Variants in ZNF317 observed in about 807,000 individuals in gnomAD.
ZNF317 encodes zinc finger protein 317, also known as KRAB-containing zinc finger protein 317.
In ZNF317, 17 loss-of-function variants were observed where a neutral mutation model predicts 23.4. That is an observed-to-expected ratio of 0.73 (90% confidence interval 0.50 to 1.09). The LOEUF (loss-of-function observed/expected upper bound fraction) is 1.09. ZNF317 is among the 50% of genes least tolerant of loss of function. The pLI, the probability that ZNF317 is intolerant of heterozygous loss-of-function variation, is 0.00. For missense variants in ZNF317, 679 were observed against 796.7 expected (o/e 0.85, Z 1.78); for synonymous variants, 317 against 314.9 (o/e 1.01, Z -0.07).
At chr19:9,157,664 G>A in intron 4 of ZNF317, 1 of 561,384 alleles carries the variant, frequency 1.8e-6, no homozygotes, top group East Asian at 4.3e-5. Flanking sequence ...GGGTACTTGT[G>A]ATCTTATTTC....
At chr19:9,144,252 C>T (rs1006513590) in intron 1 of ZNF317, among the ~76,000 whole-genome samples, 4 of 152,178 alleles carry the variant, frequency 2.6e-5, no homozygotes, top group African/African-American at 4.8e-5. Flanking sequence ...ATCCACCTGC[C>T]TTGGCCTCCC....
Position 9,163,063 on chromosome 19 carries a change from G to A in ZNF317, c.*1630G>A, listed in dbSNP as rs1042632021. 2.6e-5 allele frequency: 4 copies of A among 152,184 alleles called. No individual in the cohort carries two copies. Among genetic ancestry groups the A allele is most frequent in the Non-Finnish European group, 5.9e-5 (4 of 68,022 alleles). The allele number at this position is 152,184 out of a possible 1,614,324, so 9.4% of individuals were successfully genotyped here. On this transcript the variant is annotated 3_prime_UTR_variant, in exon 7 of 7. Transcript: ENST00000247956. ...TAAAAAATCTCTTACAGGTTTTCTT[G>A]CAGCTGGTACCATCCATGTCTCACA...
At chr19:9,156,105 G>T (rs970433047) in intron 2 of ZNF317, 64 bp downstream of exon 2, 19 of 1,595,818 alleles carry the variant, frequency 1.2e-5, no homozygotes, top group Non-Finnish European at 1.6e-5. Flanking sequence ...CCACTTGATG[G>T]GGTGAAAGAT....
At chr19:9,145,763 G>A (rs2050677349) in intron 1 of ZNF317, among the ~76,000 whole-genome samples, 1 of 152,142 alleles carries the variant, frequency 6.6e-6, no homozygotes, top group Admixed American at 6.5e-5. Flanking sequence ...GTTCTTAGCT[G>A]TATTTATGTT....
chr19:9,161,088 A>G lies in ZNF317; in HGVS notation c.1443A>G (p.Lys481=), dbSNP rs776650509. The G allele has an allele frequency of 2.5e-6, 4 of 1,614,216 alleles. No individual in the cohort carries two copies. Among genetic ancestry groups the G allele is most frequent in the Admixed American group, 3.3e-5 (2 of 60,024 alleles). ...ERRYECAACG[K]VFGDYLSRRR... ...GCTACGAATGCGCCGCCTGCGGGAA[A>G]GTCTTCGGTGACTATTTATCCCGGC... Residue 481 remains lysine, a synonymous_variant, in exon 7 of 7, where the codon AAA becomes AAG. Coordinates refer to ENST00000247956, the MANE Select transcript of ZNF317 (RefSeq NM_020933.5). The surrounding 1 kb of genome is among the most constrained non-coding windows in gnomAD (Gnocchi z 4.0).
At chr19:9,147,409 A>G (rs1411531872) in intron 1 of ZNF317, among the ~76,000 whole-genome samples, 1 of 138,258 alleles carries the variant, frequency 7.2e-6, no homozygotes, top group Admixed American at 8.5e-5. Context: ...GCACAGTCTC[A>G]GCTCACTGCA....
intron 4 of ZNF317, chr19:9,157,775 C>G (rs2050801694): frequency 7.5e-7 from 1 of 1,331,770 alleles, no homozygotes. Context: ...GCACGAGCCA[C>G]CATGCTTTGC....
Position 9,162,495 on chromosome 19 carries a change from C to T in ZNF317, c.*1062C>T, listed in dbSNP as rs894929424. 6.6e-6 allele frequency: 1 copy of T among 151,844 alleles called. No homozygotes were observed. The highest frequency in any genetic ancestry group is 1.5e-5 in the Non-Finnish European group (1 of 67,970). 9.4% of individuals were successfully genotyped at this position (151,844 alleles called of 1,614,324 possible). On this transcript the variant is annotated 3_prime_UTR_variant, in exon 7 of 7. Coordinates refer to ENST00000247956, the MANE Select transcript of ZNF317 (RefSeq NM_020933.5). The stretch of plus-strand genomic sequence containing the variant: ...CCTCACTTGAGCATGTGAATATTCT[C>T]ACGGAGAGAAGCCCCAGCGAGATTT...
chr19:9,146,494 C>G (rs2050684507), intron 1 of ZNF317, among the ~76,000 whole-genome samples: 1 of 147,878 alleles, frequency 6.8e-6, no homozygotes. Flanking sequence ...GTGGCATGAT[C>G]TTGGCTTACT....
chr19:9,142,129 C>CAA (rs761087245), intron 1 of ZNF317, among the ~76,000 whole-genome samples: 5 of 152,176 alleles, frequency 3.3e-5, no homozygotes, highest in African/African-American at 9.6e-5. Context: ...TAAGTACCTG[C>CAA]AAAAAGGATT....
rs557129618 is a variant in ZNF317, at chr19:9,153,143, G to GTTT, written c.-92-2780_-92-2779insTTT. Among the ~76,000 whole-genome samples, 496 of 139,288 alleles carry GTTT rather than the reference G, an allele frequency of 3.6e-3. 4 individuals are homozygous for GTTT. Among genetic ancestry groups the GTTT allele is most frequent in the African/African-American group, 0.013 (483 of 37,848 alleles). 91.4% of individuals were successfully genotyped at this position (139,288 alleles called of 152,430 possible). The stretch of plus-strand genomic sequence containing the variant: ...TCCCTAGGTTTAGTGTGTCAAGGTA[G>GTTT]TTGTTTTTGTTTGTTTGTTTGTTTG... On this transcript the variant is annotated intron_variant, in intron 1 of 6. Coordinates refer to ENST00000247956, the MANE Select transcript of ZNF317 (RefSeq NM_020933.5).
At chr19:9,143,171 G>A in intron 1 of ZNF317, among the ~76,000 whole-genome samples, 1 of 152,082 alleles carries the variant, frequency 6.6e-6, no homozygotes, top group Admixed American at 6.6e-5. Flanking sequence ...TATAGTCAGG[G>A]TTGTTCATAA....
intron 4 of ZNF317, 80 bp downstream of exon 4, chr19:9,157,474 T>C (rs2050796693): frequency 6.4e-7 from 1 of 1,570,806 alleles, no homozygotes; most frequent in Admixed American, 1.7e-5. Flanking sequence ...ACCCAGGAAC[T>C]ATGCAGCGGT....
chr19:9,147,116 A>G (rs1438789641), intron 1 of ZNF317, among the ~76,000 whole-genome samples: 2 of 152,178 alleles, frequency 1.3e-5, no homozygotes, highest in Admixed American at 6.5e-5. Flanking sequence ...ACTCTTGTCT[A>G]GCAGCCTTGG....
intron 4 of ZNF317, 130 bp downstream of exon 4, chr19:9,157,524 C>A: frequency 8.5e-7 from 1 of 1,177,112 alleles, no homozygotes; most frequent in Non-Finnish European, 1.2e-6. Flanking sequence ...AGCACCCATG[C>A]TTAATGGGGC....
intron 3 of ZNF317, chr19:9,156,970 T>A (rs2163816): frequency 0.28 from 183,498 of 663,088 alleles, 28,145 homozygotes; most frequent in African/African-American, 0.53. Flanking sequence ...TCTCAGGCCC[T>A]TGCTCAGCCC....
chr19:9,158,745 C>A, intron 5 of ZNF317, 81 bp from the exon 6 acceptor site: 1 of 944,258 alleles, frequency 1.1e-6, no homozygotes. Context: ...TTAGGATCTG[C>A]CAAGAAATCC....
In ZNF317 at chr19:9,160,998, C is replaced by A; in HGVS notation, c.1353C>A (p.Cys451Ter). The A allele has an allele frequency of 6.2e-7, 1 of 1,614,160 alleles. No homozygotes were observed. Among genetic ancestry groups the A allele is most frequent in the Non-Finnish European group, 8.5e-7 (1 of 1,180,028 alleles). ...AGAAACCATACGGGTGCGATCTCTG[C>A]GGGAAAGCTTTCAGCGCGAGTTCAA... ...TGEKPYGCDL[C>*]GKAFSASSNL... Residue 451 changes from cysteine (C) to a stop codon, truncating the protein, a stop_gained, in exon 7 of 7, where the codon TGC becomes TGA. Transcript: ENST00000247956. LOFTEE classifies it low-confidence loss of function (END_TRUNC). The surrounding 1 kb of genome is among the most constrained non-coding windows in gnomAD (Gnocchi z 6.8).
intron 3 of ZNF317, chr19:9,156,964 A>G: frequency 2.9e-6 from 2 of 685,694 alleles, no homozygotes; most frequent in Admixed American, 3.0e-5. Flanking sequence ...GCAAAATCTC[A>G]GGCCCTTGCT....
Sources: gnomAD v4.1 joint callset for allele counts (sites outside exome capture counted in the v4.1 genomes callset) on GRCh38, gnomAD v4.1.1 for gene constraint, Gnocchi (gnomAD v3.1) non-coding constraint, MANE v1.5 for transcripts, NCBI Gene and HGNC (gene_info 2026-07-23, HGNC 2026-07-21) for gene names.